Variants in JMJD1C observed in about 807,000 individuals in gnomAD.
The protein encoded by JMJD1C is jumonji domain containing 1C.
A neutral mutation model predicts 245.3 loss-of-function variants in JMJD1C; 31 were observed. The observed-to-expected ratio is 0.13, with a 90% CI of 0.09 to 0.17. The LOEUF (loss-of-function observed/expected upper bound fraction) is 0.17. Ranked by LOEUF, JMJD1C falls within the 10% of genes least tolerant of loss-of-function variation. The pLI, the probability that JMJD1C is intolerant of heterozygous loss-of-function variation, is 1.00. For synonymous variants in JMJD1C, 1,057 were observed against 1,017.4 expected (o/e 1.04, Z -0.74); for missense variants, 2,691 against 3,000.2 (o/e 0.90, Z 2.41).
chr10:63,198,592 A>G lies in JMJD1C; in HGVS notation c.5412T>C (p.Tyr1804=), dbSNP rs1845696412. The stretch of plus-strand genomic sequence containing the variant: ...ACTTATCACCTATTATATCCAAGAT[A>G]TATTTAGAAGTCTCTATATCTAGTT... ...DDELDIETSK[Y]ILDIIGDKFC... The change falls in exon 12 of 26, where the codon TAT becomes TAC. Residue 1804 remains tyrosine, a synonymous_variant. Coordinates refer to ENST00000399262, the MANE Select transcript of JMJD1C (RefSeq NM_032776.3). 1 of 1,610,374 alleles carries G rather than the reference A, an allele frequency of 6.2e-7. No individual in the cohort carries two copies. The highest frequency in any genetic ancestry group is 8.5e-7 in the Non-Finnish European group (1 of 1,177,230).
At chr10:63,486,383 T>G (rs1341971043) in intron 1 of JMJD1C, among the ~76,000 whole-genome samples, 1 of 152,096 alleles carries the variant, frequency 6.6e-6, no homozygotes, top group African/African-American at 2.4e-5. Context: ...TTTGTGAAGC[T>G]GTATTTTAGA....
chr10:63,286,209 A>G (rs948139882), intron 2 of JMJD1C, among the ~76,000 whole-genome samples: 2 of 152,226 alleles, frequency 1.3e-5, no homozygotes, highest in African/African-American at 4.8e-5. Context: ...CTCCAAAAGA[A>G]ACATGAGACA....
chr10:63,168,658 A>G, intron 24 of JMJD1C, 92 bp from the exon 25 acceptor site: 2 of 1,137,198 alleles, frequency 1.8e-6, no homozygotes, highest in Non-Finnish European at 2.4e-6. Context: ...ACAAGAGACA[A>G]TTCTGCTGGA....
intron 1 of JMJD1C, among the ~76,000 whole-genome samples, chr10:63,424,564 T>C (rs910437172): frequency 3.1e-5 from 3 of 96,176 alleles, no homozygotes; most frequent in African/African-American, 6.1e-5. Context: ...TGGAGTACAA[T>C]GATGCGACTG....
chr10:63,214,293 G>C lies in JMJD1C; in HGVS notation c.1874C>G (p.Ser625Cys). The change falls in exon 8 of 26, where the codon TCT becomes TGT. Residue 625 changes from serine to cysteine, a missense_variant. By Grantham distance (112) the Ser-to-Cys change is moderately radical. Transcript: ENST00000399262. ...AGTATCTACTGAAGTATTAAGTTTA[G>C]ATTTTATAGTCTCTGGAGGTGGACT... ...KRSPPPETIKSKLNTSVDTHK... is the reference protein window; with the variant it reads ...KRSPPPETIKCKLNTSVDTHK... The C allele has an allele frequency of 6.2e-7, 1 of 1,614,044 alleles. No individual in the cohort carries two copies. The highest frequency in any genetic ancestry group is 1.1e-5 in the South Asian group (1 of 91,078).
intron 2 of JMJD1C, among the ~76,000 whole-genome samples, chr10:63,269,442 T>A (rs1449598733): frequency 3.9e-5 from 6 of 152,196 alleles, no homozygotes; most frequent in Admixed American, 6.5e-5. Flanking sequence ...GTCTCCTTCA[T>A]AAAGCAAATG....
intron 1 of JMJD1C, among the ~76,000 whole-genome samples, chr10:63,398,424 ATTGT>A (rs911776920): frequency 2.0e-5 from 3 of 152,016 alleles, no homozygotes; most frequent in South Asian, 2.1e-4. Flanking sequence ...ATTTCCAGTA[ATTGT>A]TTAACTGGAG....
intron 2 of JMJD1C, among the ~76,000 whole-genome samples, chr10:63,353,095 A>C (rs1271120036): frequency 6.6e-6 from 1 of 152,224 alleles, no homozygotes; most frequent in East Asian, 1.9e-4. Context: ...TGAAGTTAGG[A>C]AAATTTATTA....
chr10:63,417,737 A>C (rs1195479252), intron 1 of JMJD1C, among the ~76,000 whole-genome samples: 1 of 152,198 alleles, frequency 6.6e-6, no homozygotes, highest in African/African-American at 2.4e-5. Context: ...CCTTCCAAAC[A>C]ATGAAAAAAT....
chr10:63,513,270 A>G (rs962589408), intron 1 of JMJD1C, among the ~76,000 whole-genome samples: 3 of 152,154 alleles, frequency 2.0e-5, no homozygotes, highest in Non-Finnish European at 4.4e-5. Context: ...AGGAGAATGA[A>G]ACTGGATGCC....
intron 20 of JMJD1C, among the ~76,000 whole-genome samples, chr10:63,185,034 C>T (rs1398790213): frequency 1.3e-5 from 2 of 152,178 alleles, no homozygotes; most frequent in Non-Finnish European, 2.9e-5. Context: ...GTATCACAGG[C>T]GTGAGCCACC....
At chr10:63,264,095 T>C (rs966356086) in intron 3 of JMJD1C, among the ~76,000 whole-genome samples, 1 of 151,898 alleles carries the variant, frequency 6.6e-6, no homozygotes, top group Non-Finnish European at 1.5e-5. Flanking sequence ...TTTTGATGAG[T>C]TTCTTCACAT....
intron 1 of JMJD1C, among the ~76,000 whole-genome samples, chr10:63,453,338 A>G (rs1371644873): frequency 6.6e-6 from 1 of 152,208 alleles, no homozygotes; most frequent in Non-Finnish European, 1.5e-5. Flanking sequence ...ACAATAAGAA[A>G]AATTTTTTAA....
chr10:63,295,950 T>C (rs944717243), intron 2 of JMJD1C, among the ~76,000 whole-genome samples: 1 of 127,344 alleles, frequency 7.9e-6, no homozygotes, highest in African/African-American at 3.1e-5. Flanking sequence ...TATATATATA[T>C]ACACGTATAT....
chr10:63,183,380 T>G, intron 22 of JMJD1C, 67 bp downstream of exon 22: 1 of 1,389,290 alleles, frequency 7.2e-7, no homozygotes, highest in South Asian at 1.4e-5. Flanking sequence ...GCTGATATTC[T>G]GGACAATACT....
At position 63,204,477 on chromosome 10, in the gene JMJD1C, G is replaced by T. The variant is rs527828283; in HGVS notation, c.5074+2118C>A. The T allele has an allele frequency of 8.1e-6, 8 of 985,238 alleles. No individual in the cohort carries two copies. In the East Asian group the frequency reaches 9.1e-4, roughly 112 times the overall value. 61.0% of individuals were successfully genotyped at this position (985,238 alleles called of 1,614,324 possible). A position where few individuals can be genotyped will look rare whatever the true frequency, so the allele number is the denominator to read the frequency against. On this transcript the variant is annotated intron_variant, in intron 10 of 25. Transcript: ENST00000399262. ...AGAGTTTTCTAGGCATTAAAACCTG[G>T]AAGGTACCTATCTTTTGTTTTTGTT...
chr10:63,261,368 G>A (rs1854724420), intron 3 of JMJD1C, among the ~76,000 whole-genome samples: 1 of 152,108 alleles, frequency 6.6e-6, no homozygotes, highest in South Asian at 2.1e-4. Context: ...ATCATCTGAG[G>A]TCAGGAGTTC....
At chr10:63,289,121 T>C (rs1014224504) in intron 2 of JMJD1C, among the ~76,000 whole-genome samples, 3 of 152,032 alleles carry the variant, frequency 2.0e-5, no homozygotes, top group Non-Finnish European at 2.9e-5. Flanking sequence ...CTGGGAGACT[T>C]TGCCAGTTAG....
At chr10:63,312,995 A>T (rs753061071) in intron 2 of JMJD1C, among the ~76,000 whole-genome samples, 2 of 152,162 alleles carry the variant, frequency 1.3e-5, no homozygotes, top group African/African-American at 2.4e-5. Context: ...GCTTTTGGAT[A>T]CATGAGTAAG....
Sources: allele counts gnomAD v4.1 joint callset (sites outside exome capture counted in the v4.1 genomes callset), GRCh38; gene constraint gnomAD v4.1.1; transcripts MANE v1.5; gene names NCBI Gene and HGNC (gene_info 2026-07-23, HGNC 2026-07-21).